RERE: variants seen among roughly 807,000 people sequenced by gnomAD.
RERE encodes the protein arginine-glutamic acid dipeptide repeats.
A neutral mutation model predicts 146.1 loss-of-function variants in RERE; 40 were observed. The observed-to-expected ratio is 0.27, with a 90% CI of 0.21 to 0.36. RERE has a LOEUF of 0.36. Among genes scored for constraint, RERE ranks in the 10% least tolerant of loss-of-function variants. RERE has a pLI of 1.00. For missense variants in RERE, 1,933 were observed against 2,138.7 expected (o/e 0.90, Z 1.90); for synonymous variants, 1,003 against 866.0 (o/e 1.16, Z -2.78).
intron 4 of RERE, among the ~76,000 whole-genome samples, chr1:8,566,978 A>AT (rs1646160689): frequency 6.6e-6 from 1 of 152,024 alleles, no homozygotes; most frequent in Admixed American, 6.6e-5. Context: ...TTTAGTAGAA[A>AT]TGGGGTTTCA....
intron 15 of RERE, 62 bp downstream of exon 15, chr1:8,363,994 C>G: frequency 6.7e-7 from 1 of 1,493,630 alleles, no homozygotes; most frequent in Non-Finnish European, 9.3e-7. Context: ...GAGGCTCAAG[C>G]CCCCACACAT....
chr1:8,465,942 A>G lies in RERE; in HGVS notation c.1186T>C (p.Trp396Arg). Residue 396 changes from tryptophan to arginine, a missense_variant, in exon 11 of 23, where the codon TGG (tryptophan) becomes CGG (arginine). Transcript: ENST00000400908. Reference sequence around the variant, plus strand: ...CTGCTCACCACTTCGTCCTCGGTCCAGCACTTCTCGATGAGCTTGGGCACA... The same window carrying G: ...CTGCTCACCACTTCGTCCTCGGTCCGGCACTTCTCGATGAGCTTGGGCACA... ...KPVPKLIEKC[W>R]TEDEVKRFVK... 6.2e-7 allele frequency: 1 copy of G among 1,614,160 alleles called. No homozygotes were observed. Among genetic ancestry groups the G allele is most frequent in the South Asian group, 1.1e-5 (1 of 91,088 alleles).
At chr1:8,588,211 A>G (rs372148119) in intron 4 of RERE, among the ~76,000 whole-genome samples, 1 of 152,232 alleles carries the variant, frequency 6.6e-6, no homozygotes, top group Admixed American at 6.5e-5. Context: ...TGCTGGCTGA[A>G]TTTAATAAAA....
chr1:8,530,797 T>C (rs1325787856), intron 7 of RERE, among the ~76,000 whole-genome samples: 3 of 146,456 alleles, frequency 2.0e-5, no homozygotes, highest in Non-Finnish European at 4.5e-5. Context: ...GTTCACGCCA[T>C]TCTCCTGCCT....
chr1:8,374,661 G>C (rs140807700), intron 12 of RERE, among the ~76,000 whole-genome samples: 11 of 152,246 alleles, frequency 7.2e-5, no homozygotes, highest in Non-Finnish European at 4.4e-5. Context: ...TTCTCCAAAC[G>C]GTCAAAGGTT....
chr1:8,529,927 A>G (rs1300570416), intron 7 of RERE, among the ~76,000 whole-genome samples: 1 of 152,166 alleles, frequency 6.6e-6, no homozygotes, highest in Non-Finnish European at 1.5e-5. Context: ...TACCCTACTC[A>G]GTGCTTAAGG....
At chr1:8,398,330 G>A (rs576620720) in intron 12 of RERE, among the ~76,000 whole-genome samples, 6 of 152,174 alleles carry the variant, frequency 3.9e-5, no homozygotes, top group Non-Finnish European at 8.8e-5. Flanking sequence ...AGGCAAGGGG[G>A]TTAGTACTGA....
chr1:8,658,176 T>G (rs149385621), intron 1 of RERE, among the ~76,000 whole-genome samples: 2,317 of 152,326 alleles, frequency 0.015, 62 homozygotes, highest in African/African-American at 0.053. Flanking sequence ...TTGTTTTTCT[T>G]ATGATCTTCC....
At chr1:8,425,491 A>AG (rs1643998786) in intron 11 of RERE, 1 of 148,034 alleles carries the variant, frequency 6.8e-6, no homozygotes, top group Non-Finnish European at 1.5e-5. Context: ...CGAGATCACA[A>AG]GGGGTGGGCA....
intron 12 of RERE, among the ~76,000 whole-genome samples, chr1:8,399,825 T>A (rs1378093378): frequency 2.0e-5 from 3 of 152,116 alleles, no homozygotes; most frequent in South Asian, 2.1e-4. Flanking sequence ...AAATAAAGAA[T>A]TTGCATATCA....
At chr1:8,640,564 G>C (rs1252932758) in intron 2 of RERE, among the ~76,000 whole-genome samples, 1 of 152,224 alleles carries the variant, frequency 6.6e-6, no homozygotes, top group East Asian at 1.9e-4. Flanking sequence ...TGAGTGAACA[G>C]TGGTGGAGTA....
chr1:8,702,910 CATT>C (rs1639483849), intron 1 of RERE: 1 of 152,198 alleles, frequency 6.6e-6, no homozygotes, highest in Non-Finnish European at 1.5e-5. Context: ...AAGCCATCAT[CATT>C]CTTAGGAACA....
chr1:8,534,851 T>C (rs1160454261), intron 7 of RERE, among the ~76,000 whole-genome samples: 1 of 152,136 alleles, frequency 6.6e-6, no homozygotes, highest in African/African-American at 2.4e-5. Context: ...ACTGGACAAA[T>C]AAGAATTGTA....
chr1:8,641,892 A>C lies in RERE; in HGVS notation c.325+14081T>G, dbSNP rs917024768. ...GAGTTTTGATAATGGAGACTTAGCA[A>C]CTATCTTTCAAACCAAGGAGGATTA... is the stretch of plus-strand genomic sequence containing the variant. On this transcript the variant is annotated intron_variant, in intron 2 of 22. Transcript: ENST00000400908. 9.8e-5 allele frequency among the ~76,000 whole-genome samples: 15 copies of C among 152,296 alleles called. 1 individual carries two copies. Among genetic ancestry groups the C allele is most frequent in the Non-Finnish European group, 2.1e-4 (14 of 68,024 alleles).
chr1:8,448,639 C>T (rs760395639), intron 11 of RERE, among the ~76,000 whole-genome samples: 1 of 152,034 alleles, frequency 6.6e-6, no homozygotes, highest in Admixed American at 6.6e-5. Context: ...TAGGAAACGT[C>T]ATTGAAGAAA....
chr1:8,741,050 C>G (rs906383607), intron 1 of RERE, among the ~76,000 whole-genome samples: 18 of 152,192 alleles, frequency 1.2e-4, no homozygotes, highest in Admixed American at 5.2e-4. Context: ...CATATTAGGT[C>G]TGCTTACACC....
chr1:8,655,927 T>TC (rs1638270184), intron 2 of RERE, 46 bp downstream of exon 2: 2 of 1,586,856 alleles, frequency 1.3e-6, no homozygotes, highest in Admixed American at 1.8e-5. Context: ...CCAAGATCAT[T>TC]CCCCCACTGT....
intron 1 of RERE, among the ~76,000 whole-genome samples, chr1:8,656,746 T>C (rs772082018): frequency 2.6e-5 from 4 of 152,182 alleles, no homozygotes; most frequent in Admixed American, 6.5e-5. Flanking sequence ...AGACAACATA[T>C]AATGGGTATT....
chr1:8,555,250 T>C (rs1645993647), intron 6 of RERE, among the ~76,000 whole-genome samples: 1 of 152,178 alleles, frequency 6.6e-6, no homozygotes, highest in Admixed American at 6.5e-5. Context: ...TCCTGACACA[T>C]GAAAATTAAA....
Sources: allele counts gnomAD v4.1 joint callset (sites outside exome capture counted in the v4.1 genomes callset), GRCh38; gene constraint gnomAD v4.1.1; transcripts MANE v1.5; gene names NCBI Gene and HGNC (gene_info 2026-07-23, HGNC 2026-07-21).